MMP25: variants seen among roughly 807,000 people sequenced by gnomAD.
MMP25 encodes the protein matrix metallopeptidase 25.
A neutral mutation model predicts 62.1 loss-of-function variants in MMP25; 68 were observed. The ratio of observed to expected loss-of-function variants is 1.10; its 90% CI spans 0.90 to 1.34. MMP25 has a LOEUF of 1.34. MMP25 is among the 40% of genes most tolerant of loss of function. The probability of loss-of-function intolerance (pLI) is 0.00; values close to 1 mark genes in which losing one functional copy is unlikely to be tolerated. For synonymous variants in MMP25, 407 were observed against 345.6 expected, an observed-to-expected ratio of 1.18 and a Z score of -1.97; for missense variants, 942 against 792.5, an observed-to-expected ratio of 1.19 and a Z score of -2.26.
At chr16:3,058,059 C>G in intron 7 of MMP25, 122 bp from the exon 8 acceptor site, 1 of 1,182,796 alleles carries the variant, frequency 8.5e-7, no homozygotes. Context: ...ATGGGCTGGT[C>G]ACCCTAGATC....
chr16:3,047,265 G>T, intron 1 of MMP25, 150 bp from the exon 2 acceptor site: 1 of 1,222,922 alleles, frequency 8.2e-7, no homozygotes, highest in Non-Finnish European at 1.1e-6. Context: ...GACTGAAGCG[G>T]GGACCTATGG....
Position 3,050,452 on chromosome 16 carries a change from G to C in MMP25, c.567G>C (p.Gly189=). The C allele has an allele frequency of 1.2e-6, 2 of 1,613,576 alleles. No homozygotes were observed. The highest frequency in any genetic ancestry group is 1.7e-6 in the Non-Finnish European group (2 of 1,179,802). ...HQDSYPFDGL[G]GTLAHAFFPG... Reference sequence around the variant, plus strand: ...ACAGCTACCCCTTCGACGGGTTGGGGGGCACCCTAGCCCATGCCTTCTTCC... The same window carrying C: ...ACAGCTACCCCTTCGACGGGTTGGGCGGCACCCTAGCCCATGCCTTCTTCC... The change falls in exon 4 of 10, where the codon GGG becomes GGC. Residue 189 remains glycine, a synonymous_variant. Coordinates refer to ENST00000336577, the MANE Select transcript of MMP25 (RefSeq NM_022468.5).
At chr16:3,054,419 T>C (rs1955964307) in intron 4 of MMP25, 2 of 113,012 alleles carry the variant, frequency 1.8e-5, no homozygotes. Context: ...GAGGCAGGGA[T>C]GGATGGATGG....
chr16:3,050,862 G>A (rs1955892946), intron 4 of MMP25, among the ~76,000 whole-genome samples: 2 of 152,098 alleles, frequency 1.3e-5, no homozygotes, highest in South Asian at 4.1e-4. Context: ...CACGATCACG[G>A]CTCACTGCAG....
At chr16:3,057,005 C>T (rs757241366) in intron 4 of MMP25, 28 bp from the exon 5 acceptor site, 57 of 1,535,210 alleles carry the variant, frequency 3.7e-5, no homozygotes, top group East Asian at 9.1e-5. Flanking sequence ...CAGGGGCGGC[C>T]GCAGCTCTCA....
Position 3,047,521 on chromosome 16 carries a change from C to T in MMP25, c.206C>T (p.Ala69Val), listed in dbSNP as rs377224522. 1 of 1,613,586 alleles carries T rather than the reference C, an allele frequency of 6.2e-7. No individual in the cohort carries two copies. Among genetic ancestry groups the T allele is most frequent in the South Asian group, 1.1e-5 (1 of 91,070 alleles). The change falls in exon 2 of 10, where the codon GCG becomes GTG. Residue 69 changes from alanine to valine, a missense_variant. Transcript: ENST00000336577. ...GCCATCAAAGTCATGCAGAGGTTCG[C>T]GGGGCTGCCGGAGACCGGCCGCATG... ...RDAIKVMQRF[A>V]GLPETGRMDP...
Position 3,058,848 on chromosome 16 carries a change from G to T in MMP25, c.1439G>T (p.Gly480Val), listed in dbSNP as rs1230886722. 9.1e-6 allele frequency: 14 copies of T among 1,530,298 alleles called. No homozygotes were observed. The highest frequency in any genetic ancestry group is 2.3e-5 in the East Asian group (1 of 42,882). The allele number at this position is 1,530,298 out of a possible 1,614,324, so 94.8% of individuals were successfully genotyped here. The change falls in exon 10 of 10, where the codon GGC (glycine) becomes GTC (valine). Residue 480 changes from glycine to valine, a missense_variant. Coordinates refer to ENST00000336577, the MANE Select transcript of MMP25 (RefSeq NM_022468.5). ...CCAGGTGACACCTACTTCTTCAAGG[G>T]CGCCCACTACTGGCGCTTCCCCAAG... ...SNAGDTYFFK[G>V]AHYWRFPKNS... is the part of the protein sequence containing the mutation.
Position 3,058,850 on chromosome 16 carries a change from G to T in MMP25, c.1441G>T (p.Ala481Ser). 2.0e-6 allele frequency: 3 copies of T among 1,530,882 alleles called. No homozygotes were observed. The highest frequency in any genetic ancestry group is 2.5e-5 in the South Asian group (2 of 80,142). The allele number at this position is 1,530,882 out of a possible 1,614,324, so 94.8% of individuals were successfully genotyped here. A position where few individuals can be genotyped will look rare whatever the true frequency, so the allele number is the denominator to read the frequency against. ...NAGDTYFFKG[A>S]HYWRFPKNSI... ...AGGTGACACCTACTTCTTCAAGGGC[G>T]CCCACTACTGGCGCTTCCCCAAGAA... is the stretch of plus-strand genomic sequence containing the variant. Residue 481 changes from alanine to serine, a missense_variant, in exon 10 of 10, where the codon GCC (alanine) becomes TCC (serine). By Grantham distance (99) the Ala-to-Ser change is moderately conservative. Transcript: ENST00000336577.
At position 3,058,470 on chromosome 16, in the gene MMP25, G is replaced by T; in HGVS notation, c.1218G>T (p.Thr406=). ...TGGAGGGCGGGGCGCGGCCGCTCAC[G>T]GAGCTGGGGCTGCCCCCGGGAGAGG... ...RQLEGGARPL[T]ELGLPPGEEV... The change falls in exon 9 of 10, where the codon ACG becomes ACT. Residue 406 remains threonine (T), a synonymous_variant. Coordinates refer to ENST00000336577, the MANE Select transcript of MMP25 (RefSeq NM_022468.5). 1 of 1,602,622 alleles carries T rather than the reference G, an allele frequency of 6.2e-7. No individual in the cohort carries two copies. Among genetic ancestry groups the T allele is most frequent in the South Asian group, 1.1e-5 (1 of 89,864 alleles).
chr16:3,050,205 T>C (rs763496843), intron 3 of MMP25, 49 bp from the exon 4 acceptor site: 2 of 1,576,724 alleles, frequency 1.3e-6, no homozygotes, highest in Non-Finnish European at 1.7e-6. Flanking sequence ...TTTGAATGGC[T>C]GCCTGCTCCC....
intron 4 of MMP25, among the ~76,000 whole-genome samples, chr16:3,056,637 A>G (rs1276042036): frequency 6.6e-6 from 1 of 150,962 alleles, no homozygotes; most frequent in Non-Finnish European, 1.5e-5. Flanking sequence ...CCAGTCTTGA[A>G]CTCTTGGGCT....
At chr16:3,048,805 A>ATTT (rs558334268) in intron 2 of MMP25, among the ~76,000 whole-genome samples, 1 of 140,212 alleles carries the variant, frequency 7.1e-6, no homozygotes, top group African/African-American at 2.6e-5. Flanking sequence ...ATGACTTGCA[A>ATTT]TTTTTTTTTT....
rs1013638671 is a variant in MMP25 at position 3,050,207 on chromosome 16, C to T, written c.369-47C>T. The T allele has an allele frequency of 3.2e-6, 5 of 1,575,664 alleles. No individual in the cohort carries two copies. The East Asian group carries it at 9.0e-5, about 28-fold the overall frequency. ...GCTGGGCTCCGGCTTTGAATGGCTG[C>T]CTGCTCCCTCCACGGCCACCCTTAC... is the stretch of plus-strand genomic sequence containing the variant. On this transcript the variant is annotated intron_variant, in intron 3 of 9. Coordinates refer to ENST00000336577, the MANE Select transcript of MMP25 (RefSeq NM_022468.5).
Position 3,057,048 on chromosome 16 carries a change from A to G in MMP25, c.677A>G (p.Asp226Gly), listed in dbSNP as rs1596220691. The part of the protein sequence containing the change: ...TFGSKDGEGT[D>G]LFAVAVHEFG... ...TCTCCTGCAGACGGCGAGGGGACCG[A>G]CCTGTTTGCCGTGGCTGTCCATGAG... The change falls in exon 5 of 10, where the codon GAC (aspartate) becomes GGC (glycine). Residue 226 changes from aspartate to glycine, a missense_variant. By Grantham distance (94) the Asp-to-Gly change is moderately conservative. Transcript: ENST00000336577. 3 of 1,588,256 alleles carry G rather than the reference A, an allele frequency of 1.9e-6. No individual in the cohort carries two copies. The highest frequency in any genetic ancestry group is 2.6e-6 in the Non-Finnish European group (3 of 1,166,474).
rs1022019577 is a variant in MMP25 at position 3,058,988 on chromosome 16, T to C, written c.1579T>C (p.Ser527Pro). Residue 527 changes from serine (S) to proline (P), a missense_variant, in exon 10 of 10, where the codon TCC (serine) becomes CCC (proline). Physicochemically the swap from Ser to Pro is moderately conservative, Grantham distance 74 (BLOSUM62 -1). Transcript: ENST00000336577. ...CAGGCCCCCCAAAGCGACCCCCGTG[T>C]CCGAAACCTGCGATTGTCAGTGCGA... ...APRPPKATPV[S>P]ETCDCQCELN... is the part of the protein sequence containing the mutation. The C allele has an allele frequency of 7.2e-6, 11 of 1,537,516 alleles. No homozygotes were observed. Among genetic ancestry groups the C allele is most frequent in the Non-Finnish European group, 9.7e-6 (11 of 1,136,568 alleles).
At chr16:3,056,258 G>A (rs1265253324) in intron 4 of MMP25, 1 of 252,884 alleles carries the variant, frequency 4.0e-6, no homozygotes, top group African/African-American at 2.3e-5. Context: ...AGACGGGTGG[G>A]GGTCGCTGAC....
At chr16:3,048,429 G>C (rs761634824) in intron 2 of MMP25, among the ~76,000 whole-genome samples, 4 of 152,238 alleles carry the variant, frequency 2.6e-5, no homozygotes, top group Non-Finnish European at 5.9e-5. Context: ...GGGAGAGAGA[G>C]AGAGACAGAT....
chr16:3,047,553 T>G lies in MMP25; in HGVS notation c.232+6T>G, dbSNP rs748665918. The stretch of plus-strand genomic sequence containing the variant: ...GCCGGAGACCGGCCGCATGGGTAGG[T>G]GGCCCCCACCCCTCCCCAGCCCTGC... On this transcript the variant is annotated splice_donor_region_variant and intron_variant, in intron 2 of 9. Coordinates refer to ENST00000336577, the MANE Select transcript of MMP25 (RefSeq NM_022468.5). 3.7e-6 allele frequency: 6 copies of G among 1,611,716 alleles called. No homozygotes were observed. The African/African-American group carries it at 4.0e-5, about 11-fold the overall frequency.
rs750896132 is a variant in MMP25 at position 3,058,515 on chromosome 16, G to C, written c.1263G>C (p.Ser421=). Residue 421 remains serine (S), a synonymous_variant, in exon 9 of 10, where the codon TCG becomes TCC. Coordinates refer to ENST00000336577, the MANE Select transcript of MMP25 (RefSeq NM_022468.5). ...PPGEEVDAVF[S]WPQNGKTYLV... ...GAGAGGAGGTGGACGCCGTGTTCTC[G>C]TGGCCACAGAACGGGAAGACCTACC... The C allele has an allele frequency of 6.2e-7, 1 of 1,610,638 alleles. No individual in the cohort carries two copies. Among genetic ancestry groups the C allele is most frequent in the Non-Finnish European group, 8.5e-7 (1 of 1,179,230 alleles).
Sources: allele counts gnomAD v4.1 joint callset (sites outside exome capture counted in the v4.1 genomes callset), GRCh38; gene constraint gnomAD v4.1.1; transcripts MANE v1.5; gene names NCBI Gene and HGNC (gene_info 2026-07-23, HGNC 2026-07-21).